Variants in JAKMIP1 observed in about 807,000 individuals in gnomAD.
JAKMIP1 encodes the protein janus kinase and microtubule-interacting protein 1.
A neutral mutation model predicts 113.0 loss-of-function variants in JAKMIP1; 33 were observed. That is an observed-to-expected ratio of 0.29 (90% confidence interval 0.22 to 0.39). The LOEUF (loss-of-function observed/expected upper bound fraction) is 0.39, where lower values mean the gene tolerates loss of function less well. Among genes scored for constraint, JAKMIP1 ranks in the 10% least tolerant of loss-of-function variants. The pLI is 1.00. For synonymous variants in JAKMIP1, 480 were observed against 459.9 expected (o/e 1.04, Z -0.56); for missense variants, 813 against 1,080.5 (o/e 0.75, Z 3.47).
Position 6,113,869 on chromosome 4 carries a change from A to C in JAKMIP1, c.-147-872T>G, listed in dbSNP as rs187116892. On this transcript the variant is annotated intron_variant, in intron 1 of 20. Coordinates refer to ENST00000409021, the MANE Select transcript of JAKMIP1 (RefSeq NM_001099433.2). ...CTGCTCTGCGCCTGCTGTGTCCTCC[A>C]TGCCTAGAACAGAGGGCAGCACGTA... Among the ~76,000 whole-genome samples the C allele has an allele frequency of 2.6e-4, 40 of 152,348 alleles. No individual in the cohort carries two copies. In the South Asian group the frequency reaches 7.7e-3, roughly 29 times the overall value.
intron 18 of JAKMIP1, among the ~76,000 whole-genome samples, chr4:6,039,316 T>C (rs560482360): frequency 6.6e-6 from 1 of 152,322 alleles, no homozygotes; most frequent in East Asian, 1.9e-4. Flanking sequence ...AGTGATTCAC[T>C]GAACTTGGCA....
rs1311553830 is a variant in JAKMIP1, at chr4:6,188,450, A to AT, written c.-148+11802dup. 6.6e-6 allele frequency among the ~76,000 whole-genome samples: 1 copy of AT among 152,176 alleles called. No homozygotes were observed. The highest frequency in any genetic ancestry group is 1.5e-5 in the Non-Finnish European group (1 of 68,036). On this transcript the variant is annotated intron_variant, in intron 1 of 20. Coordinates refer to ENST00000409021, the MANE Select transcript of JAKMIP1 (RefSeq NM_001099433.2). The surrounding 1 kb of genome is among the most constrained non-coding windows in gnomAD (Gnocchi z 5.8). ...TTTCTCCACTTCCAACAATAAACAG[A>AT]TAAGACACCACCCCAAAATGTTCAG... is the stretch of plus-strand genomic sequence containing the variant.
At chr4:6,118,033 G>A (rs962706170) in intron 1 of JAKMIP1, among the ~76,000 whole-genome samples, 2 of 152,162 alleles carry the variant, frequency 1.3e-5, no homozygotes, top group African/African-American at 4.8e-5. Context: ...ATCCTTCTTG[G>A]CTGACAGGAT....
At chr4:6,045,488 T>G (rs112214931) in intron 16 of JAKMIP1, among the ~76,000 whole-genome samples, 6,555 of 152,250 alleles carry the variant, frequency 0.043, 405 homozygotes, top group African/African-American at 0.14. Context: ...GAGGAAAGCA[T>G]GTGCCCAGGG....
intron 8 of JAKMIP1, among the ~76,000 whole-genome samples, chr4:6,073,452 G>A (rs1016760963): frequency 1.3e-5 from 2 of 152,152 alleles, no homozygotes; most frequent in African/African-American, 4.8e-5. Context: ...GGTTCCCAGC[G>A]CAGTCCCCAG....
intron 16 of JAKMIP1, among the ~76,000 whole-genome samples, chr4:6,047,221 C>T (rs529852161): frequency 2.0e-5 from 3 of 152,222 alleles, no homozygotes; most frequent in African/African-American, 4.8e-5. Context: ...GACATCAAAG[C>T]GGACACTGGT....
chr4:6,042,085 A>G lies in JAKMIP1; in HGVS notation c.2097+74T>C. The G allele has an allele frequency of 1.6e-6, 2 of 1,234,100 alleles. No individual in the cohort carries two copies. The highest frequency in any genetic ancestry group is 1.8e-5 in the Admixed American group (1 of 56,488). The allele number at this position is 1,234,100 out of a possible 1,614,324, so 76.4% of individuals were successfully genotyped here. On this transcript the variant is annotated intron_variant, in intron 17 of 20. Transcript: ENST00000409021. This position sits in a 1 kb window ranked among gnomAD's most constrained non-coding sequence, Gnocchi z 5.2. ...GCAAATCATTAGGAAAACACATGCA[A>G]AGCCTTCCTGCAAATCAACCTCTCT...
intron 1 of JAKMIP1, among the ~76,000 whole-genome samples, chr4:6,130,292 G>A (rs976388023): frequency 4.6e-5 from 7 of 152,196 alleles, no homozygotes; most frequent in African/African-American, 1.2e-4. Context: ...CATGACTCCC[G>A]TCTAAATAAG....
At chr4:6,124,302 T>G (rs1717115632) in intron 1 of JAKMIP1, among the ~76,000 whole-genome samples, 1 of 152,084 alleles carries the variant, frequency 6.6e-6, no homozygotes, top group African/African-American at 2.4e-5. Flanking sequence ...AGCTGGTGGG[T>G]CTCATCAACA....
At chr4:6,036,482 T>A (rs1713457788) in intron 18 of JAKMIP1, among the ~76,000 whole-genome samples, 1 of 152,170 alleles carries the variant, frequency 6.6e-6, no homozygotes, top group Non-Finnish European at 1.5e-5. Context: ...GAAACAAATC[T>A]CCCCTTTTCT....
chr4:6,146,389 C>T (rs115802083), intron 1 of JAKMIP1, among the ~76,000 whole-genome samples: 195 of 152,262 alleles, frequency 1.3e-3, no homozygotes, highest in African/African-American at 4.5e-3. Flanking sequence ...ACCTCTCGGG[C>T]TCATGTGATC....
chr4:6,067,613 C>A lies in JAKMIP1; in HGVS notation c.1303-2605G>T, dbSNP rs1481615717. Among the ~76,000 whole-genome samples the A allele has an allele frequency of 1.3e-5, 2 of 148,808 alleles. No individual in the cohort carries two copies. Among genetic ancestry groups the A allele is most frequent in the African/African-American group, 4.9e-5 (2 of 40,704 alleles). On this transcript the variant is annotated intron_variant, in intron 8 of 20. Transcript: ENST00000409021. The surrounding 1 kb of genome is among the most constrained non-coding windows in gnomAD (Gnocchi z 4.6). ...CTCTTCTGCACACACAGGTCACCCC[C>A]CTGAGCTCCAGGTTCACTCAAGCTC... is the stretch of plus-strand genomic sequence containing the variant.
At chr4:6,114,496 T>C (rs1232181623) in intron 1 of JAKMIP1, among the ~76,000 whole-genome samples, 5 of 152,130 alleles carry the variant, frequency 3.3e-5, no homozygotes, top group African/African-American at 1.2e-4. Flanking sequence ...ATCCAGCAAG[T>C]TGCAGATGCT....
chr4:6,184,104 T>G lies in JAKMIP1; in HGVS notation c.-148+16149A>C, dbSNP rs955715574. On this transcript the variant is annotated intron_variant, in intron 1 of 20. Transcript: ENST00000409021. The surrounding 1 kb of genome is among the most constrained non-coding windows in gnomAD (Gnocchi z 4.5). Reference sequence around the variant, plus strand: ...AAATGTGAGAATAAACCATCACTTCTCTGTTTTGTATATTGGAGCAGGGTG... The same window carrying G: ...AAATGTGAGAATAAACCATCACTTCGCTGTTTTGTATATTGGAGCAGGGTG... Among the ~76,000 whole-genome samples the G allele has an allele frequency of 6.6e-6, 1 of 152,240 alleles. No homozygotes were observed. The highest frequency in any genetic ancestry group is 1.5e-5 in the Non-Finnish European group (1 of 68,040).
chr4:6,098,791 G>C (rs1016189227), intron 3 of JAKMIP1, among the ~76,000 whole-genome samples: 3 of 114,678 alleles, frequency 2.6e-5, no homozygotes, highest in Admixed American at 2.1e-4. Flanking sequence ...AAGAAAGATT[G>C]ATTCCTGATG....
At chr4:6,048,506 T>G (rs1229764886) in intron 16 of JAKMIP1, among the ~76,000 whole-genome samples, 2 of 152,202 alleles carry the variant, frequency 1.3e-5, no homozygotes, top group African/African-American at 4.8e-5. Flanking sequence ...TGAACCATGT[T>G]AAATGGTATG....
chr4:6,135,962 G>C lies in JAKMIP1; in HGVS notation c.-147-22965C>G, dbSNP rs62284845. On this transcript the variant is annotated intron_variant, in intron 1 of 20. Coordinates refer to ENST00000409021, the MANE Select transcript of JAKMIP1 (RefSeq NM_001099433.2). The surrounding 1 kb of genome is among the most constrained non-coding windows in gnomAD (Gnocchi z 4.9). ...ATGAAGTGTCCCTTCAACATGGACC[G>C]AGGCTGGGCACAGTGGCTCACACCT... Among the ~76,000 whole-genome samples, 2 of 151,984 alleles carry C rather than the reference G, an allele frequency of 1.3e-5. No individual in the cohort carries two copies. The highest frequency in any genetic ancestry group is 4.8e-5 in the African/African-American group (2 of 41,378).
chr4:6,114,727 G>A (rs1252751020), intron 1 of JAKMIP1, among the ~76,000 whole-genome samples: 2 of 152,202 alleles, frequency 1.3e-5, no homozygotes. Context: ...AGACAAGTAT[G>A]AACTCCATTC....
chr4:6,189,815 G>A (rs191229144), intron 1 of JAKMIP1, among the ~76,000 whole-genome samples: 20 of 152,320 alleles, frequency 1.3e-4, no homozygotes, highest in African/African-American at 4.8e-4. Flanking sequence ...ACAAGTGGAT[G>A]GGGTGGGGGA....
Sources: allele counts gnomAD v4.1 joint callset (sites outside exome capture counted in the v4.1 genomes callset), GRCh38; gene constraint gnomAD v4.1.1; non-coding constraint Gnocchi (gnomAD v3.1); transcripts MANE v1.5; gene names NCBI Gene and HGNC (gene_info 2026-07-23, HGNC 2026-07-21).